Variants in IRAG1 observed in about 807,000 individuals in gnomAD.
IRAG1 encodes the protein inositol 1,4,5-triphosphate receptor associated 1.
IRAG1 carries 62 observed loss-of-function variants against 106.2 expected under a neutral mutation model. That is an observed-to-expected ratio of 0.58 (90% confidence interval 0.48 to 0.72). The LOEUF (loss-of-function observed/expected upper bound fraction) is 0.72. Ranked by LOEUF, IRAG1 falls within the 30% of genes least tolerant of loss-of-function variation. The pLI is 0.00. For missense variants in IRAG1, 1,064 were observed against 1,140.7 expected (o/e 0.93, Z 0.97); for synonymous variants, 462 against 443.9 (o/e 1.04, Z -0.51).
intron 1 of IRAG1, among the ~76,000 whole-genome samples, chr11:10,669,560 C>A (rs1021944747): frequency 2.6e-5 from 4 of 152,336 alleles, no homozygotes; most frequent in Middle Eastern, 3.4e-3. Flanking sequence ...TAAAGTAGAT[C>A]TTCAGAAGAT....
chr11:10,675,729 C>A (rs938690870), intron 1 of IRAG1, among the ~76,000 whole-genome samples: 3 of 152,182 alleles, frequency 2.0e-5, no homozygotes, highest in Admixed American at 2.0e-4. Context: ...ACACCATTTA[C>A]GCCCTCTTCC....
Position 10,604,490 on chromosome 11 carries a change from G to T in IRAG1, c.1658C>A (p.Ser553Tyr). The T allele has an allele frequency of 6.2e-7, 1 of 1,614,034 alleles. No individual in the cohort carries two copies. The highest frequency in any genetic ancestry group is 8.5e-7 in the Non-Finnish European group (1 of 1,179,886). Reference sequence around the variant, plus strand: ...TTCCCTTTCAGCCTGGTTAATTCTAGATTCCAGAGTGTAGCTGTCATTTCT... The same window carrying T: ...TTCCCTTTCAGCCTGGTTAATTCTATATTCCAGAGTGTAGCTGTCATTTCT... ...AFRNDSYTLE[S>Y]RINQAERERN... Residue 553 changes from serine to tyrosine, a missense_variant, in exon 13 of 21, where the codon TCT (serine) becomes TAT (tyrosine). Transcript: ENST00000423302.
chr11:10,609,309 G>A (rs753406055), intron 11 of IRAG1, among the ~76,000 whole-genome samples: 10 of 152,118 alleles, frequency 6.6e-5, no homozygotes, highest in Non-Finnish European at 1.2e-4. Context: ...TTGGGAGGCC[G>A]AGGTAGAAGG....
At chr11:10,687,648 A>G in intron 1 of IRAG1, 1 of 1,265,820 alleles carries the variant, frequency 7.9e-7, no homozygotes, top group South Asian at 1.3e-5. Flanking sequence ...TTCACCAGAC[A>G]CAGATGCCCA....
chr11:10,607,434 G>C (rs934641928), intron 11 of IRAG1, among the ~76,000 whole-genome samples: 2 of 152,198 alleles, frequency 1.3e-5, no homozygotes, highest in Admixed American at 6.5e-5. Flanking sequence ...GCATCCTTTT[G>C]AGCAGCTCCT....
intron 2 of IRAG1, 67 bp from the exon 3 acceptor site, chr11:10,634,138 G>C: frequency 1.1e-6 from 1 of 941,358 alleles, no homozygotes; most frequent in Non-Finnish European, 1.6e-6. Flanking sequence ...ACAGGAGCCA[G>C]AGCATTTATT....
At position 10,601,493 on chromosome 11, in the gene IRAG1, G is replaced by C. The variant is rs61892973; in HGVS notation, c.1876-434C>G. 2.9e-3 allele frequency among the ~76,000 whole-genome samples: 446 copies of C among 152,326 alleles called. 3 individuals carry two copies. The highest frequency in any genetic ancestry group is 5.1e-3 in the Non-Finnish European group (346 of 68,026). On this transcript the variant is annotated intron_variant, in intron 14 of 20. Transcript: ENST00000423302. ...AGATGAGGTTTTATCCTCTGAATAA[G>C]AGTCCTCTGGAGAGTGAAGAAAGGC...
intron 9 of IRAG1, 99 bp from the exon 10 acceptor site, chr11:10,623,955 G>A: frequency 1.8e-6 from 2 of 1,105,316 alleles, no homozygotes; most frequent in Non-Finnish European, 2.7e-6. Context: ...TATCTTAGGT[G>A]GGAAAGCGGG....
At chr11:10,686,590 C>T (rs537072445) in intron 1 of IRAG1, among the ~76,000 whole-genome samples, 93 of 152,244 alleles carry the variant, frequency 6.1e-4, no homozygotes, top group African/African-American at 2.1e-3. Context: ...CAGCTCTGAG[C>T]AGCAGCACTG....
At position 10,576,270 on chromosome 11, in the gene IRAG1, C is replaced by T. The variant is rs751120367; in HGVS notation, c.*62G>A. On this transcript the variant is annotated 3_prime_UTR_variant, in exon 21 of 21. Transcript: ENST00000423302. Reference sequence around the variant, plus strand: ...GTCCACACTTGGGCCTGACGTTATACTTGGGGAAAGGGTGGTAGTCTGAGT... The same window carrying T: ...GTCCACACTTGGGCCTGACGTTATATTTGGGGAAAGGGTGGTAGTCTGAGT... 9.1e-5 allele frequency: 145 copies of T among 1,600,310 alleles called. No individual in the cohort carries two copies. The highest frequency in any genetic ancestry group is 1.2e-4 in the Non-Finnish European group (137 of 1,171,832).
intron 1 of IRAG1, among the ~76,000 whole-genome samples, chr11:10,679,999 C>T (rs1262070825): frequency 6.6e-6 from 1 of 152,016 alleles, no homozygotes; most frequent in Non-Finnish European, 1.5e-5. Flanking sequence ...CTGGGCCAGG[C>T]ACAGTGGCTC....
intron 17 of IRAG1, among the ~76,000 whole-genome samples, chr11:10,592,720 A>C (rs1402604830): frequency 6.6e-6 from 1 of 152,220 alleles, no homozygotes; most frequent in East Asian, 1.9e-4. Context: ...TTTCCTGATT[A>C]TTACCAATAC....
chr11:10,624,450 G>A (rs749376003), intron 9 of IRAG1, among the ~76,000 whole-genome samples: 14 of 152,184 alleles, frequency 9.2e-5, no homozygotes, highest in South Asian at 2.1e-4. Flanking sequence ...GGCAGAGCCC[G>A]GGGAGAGATG....
At chr11:10,640,290 C>T (rs1007455878) in intron 2 of IRAG1, among the ~76,000 whole-genome samples, 7 of 152,184 alleles carry the variant, frequency 4.6e-5, no homozygotes, top group African/African-American at 1.7e-4. Flanking sequence ...TGGCAAGTGC[C>T]AAGCAGGTAA....
rs763065684 is a variant in IRAG1, at chr11:10,609,684, G to C, written c.1571+44C>G. The C allele has an allele frequency of 2.5e-6, 4 of 1,583,932 alleles. No homozygotes were observed. The African/African-American group carries it at 6.4e-5, about 26-fold the overall frequency. On this transcript the variant is annotated intron_variant, in intron 11 of 20. Transcript: ENST00000423302. ...GTCCCACCTAGAATCCAACACAGGG[G>C]CCACTCGGTACAGGGCCTTCTGTAA...
intron 18 of IRAG1, among the ~76,000 whole-genome samples, chr11:10,583,539 G>A (rs1293035069): frequency 6.6e-6 from 1 of 152,184 alleles, no homozygotes; most frequent in Admixed American, 6.5e-5. Context: ...CCAAGCACAG[G>A]TTTAAAGTAA....
chr11:10,648,257 G>C (rs925096008), intron 2 of IRAG1, among the ~76,000 whole-genome samples: 1 of 152,138 alleles, frequency 6.6e-6, no homozygotes, highest in Non-Finnish European at 1.5e-5. Context: ...CCGGCTATTC[G>C]GGAGGCTGAG....
intron 1 of IRAG1, among the ~76,000 whole-genome samples, chr11:10,676,388 C>T (rs1166643578): frequency 2.0e-5 from 3 of 152,296 alleles, no homozygotes; most frequent in African/African-American, 7.2e-5. Flanking sequence ...CTTCTTCTGG[C>T]GACAGCAGCA....
rs1850794081 is a variant in IRAG1, at chr11:10,576,004, T to C, written c.*328A>G. The C allele has an allele frequency of 3.1e-6, 1 of 320,936 alleles. No homozygotes were observed. The highest frequency in any genetic ancestry group is 6.0e-6 in the Non-Finnish European group (1 of 167,676). 19.9% of individuals were successfully genotyped at this position (320,936 alleles called of 1,614,324 possible). A position where few individuals can be genotyped will look rare whatever the true frequency, so the allele number is the denominator to read the frequency against. ...TCCTCCTCCCCCGTGCCCCGCTCCT[T>C]ACCCCCAACCACCAGTGAAGGTGTT... On this transcript the variant is annotated 3_prime_UTR_variant, in exon 21 of 21. Transcript: ENST00000423302.
Sources: allele counts gnomAD v4.1 joint callset (sites outside exome capture counted in the v4.1 genomes callset), GRCh38; gene constraint gnomAD v4.1.1; transcripts MANE v1.5; gene names NCBI Gene and HGNC (gene_info 2026-07-23, HGNC 2026-07-21).